The following CSMD1 variants were observed in gnomAD, a reference collection of about 807,000 sequenced individuals.
The protein encoded by CSMD1 is CUB and Sushi multiple domains 1.
Under a neutral mutation model 417.5 loss-of-function variants are expected in CSMD1, and 213 were observed. The ratio of observed to expected loss-of-function variants is 0.51; its 90% CI spans 0.46 to 0.57. CSMD1 has a LOEUF of 0.57. Among genes scored for constraint, CSMD1 ranks in the 20% least tolerant of loss-of-function variants. CSMD1 has a pLI of 0.00. For synonymous variants in CSMD1, 2,862 were observed against 1,736.8 expected (o/e 1.65, Z -16.11); for missense variants, 6,923 against 4,529.7 (o/e 1.53, Z -15.17).
intron 23 of CSMD1, among the ~76,000 whole-genome samples, chr8:3,335,585 G>T (rs754750443): frequency 1.3e-5 from 2 of 152,168 alleles, no homozygotes; most frequent in Admixed American, 6.5e-5. Context: ...GCTGAGTCAG[G>T]AGAATCGCTT....
intron 10 of CSMD1, among the ~76,000 whole-genome samples, chr8:3,556,392 A>ATATATATATAT (rs1554468279): frequency 0.011 from 1,345 of 120,404 alleles, 56 homozygotes; most frequent in Non-Finnish European, 0.016. Context: ...TATAATAATT[A>ATATATATATAT]ATATATATAT....
chr8:4,901,774 G>A (rs1706048177), intron 1 of CSMD1, among the ~76,000 whole-genome samples: 1 of 152,148 alleles, frequency 6.6e-6, no homozygotes, highest in Non-Finnish European at 1.5e-5. Flanking sequence ...AGGGAGAGGT[G>A]CCTTCCTTGG....
At chr8:3,955,188 C>A (rs764850089) in intron 5 of CSMD1, among the ~76,000 whole-genome samples, 15 of 152,224 alleles carry the variant, frequency 9.9e-5, no homozygotes, top group African/African-American at 3.6e-4. Flanking sequence ...CCACCCGTGA[C>A]CACGTGCAGA....
At chr8:4,152,824 A>T (rs1189736653) in intron 3 of CSMD1, among the ~76,000 whole-genome samples, 1 of 152,172 alleles carries the variant, frequency 6.6e-6, no homozygotes, top group Non-Finnish European at 1.5e-5. Flanking sequence ...ATAGTGAGAG[A>T]GTAGGGAATG....
chr8:4,194,471 G>A (rs1563253468), intron 3 of CSMD1, among the ~76,000 whole-genome samples: 1 of 152,094 alleles, frequency 6.6e-6, no homozygotes, highest in Non-Finnish European at 1.5e-5. Flanking sequence ...ATAGCGCCCT[G>A]TCACTTTTCT....
chr8:4,983,080 G>A (rs190536180), intron 1 of CSMD1, among the ~76,000 whole-genome samples: 166 of 152,238 alleles, frequency 1.1e-3, no homozygotes, highest in African/African-American at 3.9e-3. Context: ...AAACATCTCA[G>A]ATAACTTACT....
chr8:4,820,234 A>T (rs1156641859), intron 1 of CSMD1, among the ~76,000 whole-genome samples: 2 of 152,202 alleles, frequency 1.3e-5, no homozygotes, highest in African/African-American at 2.4e-5. Flanking sequence ...ATTGAATTGT[A>T]GCGGTGACCC....
intron 10 of CSMD1, among the ~76,000 whole-genome samples, chr8:3,523,235 G>C (rs376751631): frequency 1.3e-5 from 2 of 152,120 alleles, no homozygotes; most frequent in African/African-American, 2.4e-5. Context: ...ATCATAGTAA[G>C]ACCTAAAGCA....
chr8:3,725,167 G>A (rs1344018192), intron 6 of CSMD1, among the ~76,000 whole-genome samples: 1 of 152,140 alleles, frequency 6.6e-6, no homozygotes, highest in Non-Finnish European at 1.5e-5. Flanking sequence ...GGAGGGAGCT[G>A]TGCCCTGAAG....
chr8:4,739,268 C>A (rs1306002508), intron 1 of CSMD1, among the ~76,000 whole-genome samples: 1 of 152,148 alleles, frequency 6.6e-6, no homozygotes, highest in Non-Finnish European at 1.5e-5. Flanking sequence ...AGCAATGCAG[C>A]AATTTCACTT....
At chr8:3,730,042 T>A (rs552345507) in intron 6 of CSMD1, among the ~76,000 whole-genome samples, 8 of 150,566 alleles carry the variant, frequency 5.3e-5, no homozygotes, top group African/African-American at 1.7e-4. Flanking sequence ...CTGCAAGTGT[T>A]TCCACAGGTC....
At chr8:3,885,146 A>T (rs536127251) in intron 5 of CSMD1, among the ~76,000 whole-genome samples, 1 of 152,170 alleles carries the variant, frequency 6.6e-6, no homozygotes, top group Non-Finnish European at 1.5e-5. Context: ...ACAAGATCCC[A>T]TCTCGTGACT....
intron 3 of CSMD1, among the ~76,000 whole-genome samples, chr8:4,173,730 T>C (rs914776773): frequency 6.6e-6 from 1 of 152,076 alleles, no homozygotes; most frequent in Non-Finnish European, 1.5e-5. Context: ...AGAAAATTTT[T>C]TGTCATTAAT....
At position 3,691,057 on chromosome 8, in the gene CSMD1, G is replaced by A. The variant is rs189860376; in HGVS notation, c.1009+17357C>T. Among the ~76,000 whole-genome samples, 101 of 151,972 alleles carry A rather than the reference G, an allele frequency of 6.6e-4. 4 individuals carry two copies. The East Asian group carries it at 0.014, about 21-fold the overall frequency. ...TCTTTTTCTCTCTAACACACATGGC[G>A]ACATCCTCTAGCAAAACTGTATCAA... On this transcript the variant is annotated intron_variant, in intron 7 of 69. Transcript: ENST00000635120.
intron 5 of CSMD1, among the ~76,000 whole-genome samples, chr8:3,838,466 A>T (rs1302903595): frequency 7.1e-6 from 1 of 141,456 alleles, no homozygotes; most frequent in African/African-American, 2.9e-5. Flanking sequence ...TATAGGCTAT[A>T]TTATATTATA....
chr8:3,339,148 C>T (rs1196092900), intron 23 of CSMD1, among the ~76,000 whole-genome samples: 3 of 151,948 alleles, frequency 2.0e-5, no homozygotes, highest in Non-Finnish European at 2.9e-5. Flanking sequence ...ATCCATGTCC[C>T]TACAAAGGAC....
At chr8:4,497,358 G>A (rs574224806) in intron 2 of CSMD1, among the ~76,000 whole-genome samples, 1 of 152,218 alleles carries the variant, frequency 6.6e-6, no homozygotes, top group East Asian at 1.9e-4. Context: ...CCACTGGCCT[G>A]GCACTACAAA....
chr8:3,836,880 G>C lies in CSMD1; in HGVS notation c.819-82838C>G, dbSNP rs148097519. ...AAGTATTTAATATAACTTGACTAAAGCAGTTCTTTAACATTTTTTTTTCAG... is the reference window on the plus strand; with the variant it reads ...AAGTATTTAATATAACTTGACTAAACCAGTTCTTTAACATTTTTTTTTCAG... On this transcript the variant is annotated intron_variant, in intron 5 of 69. Transcript: ENST00000635120. 4.2e-3 allele frequency among the ~76,000 whole-genome samples: 645 copies of C among 151,866 alleles called. 4 individuals are homozygous for C. The highest frequency in any genetic ancestry group is 0.014 in the African/African-American group (578 of 41,416).
intron 3 of CSMD1, among the ~76,000 whole-genome samples, chr8:4,209,652 G>C (rs549228590): frequency 6.6e-6 from 1 of 152,266 alleles, no homozygotes; most frequent in African/African-American, 2.4e-5. Context: ...TGGGAGGGTT[G>C]TTGGCTTCAC....
Sources: gnomAD v4.1 joint callset for allele counts (sites outside exome capture counted in the v4.1 genomes callset) on GRCh38, gnomAD v4.1.1 for gene constraint, MANE v1.5 for transcripts, NCBI Gene and HGNC (gene_info 2026-07-23, HGNC 2026-07-21) for gene names.